The following NELL2 variants were observed in gnomAD, a reference collection of about 807,000 sequenced individuals.
NELL2 encodes protein kinase C-binding protein NELL2.
NELL2 carries 41 observed loss-of-function variants against 109.6 expected under a neutral mutation model. The observed-to-expected ratio is 0.37, with a 90% CI of 0.29 to 0.49. The LOEUF is 0.49. Among genes scored for constraint, NELL2 ranks in the 20% least tolerant of loss-of-function variants. The pLI is 0.98. For synonymous variants in NELL2, 355 were observed against 344.7 expected (o/e 1.03, Z -0.33); for missense variants, 900 against 1,008.3 (o/e 0.89, Z 1.45).
intron 12 of NELL2, among the ~76,000 whole-genome samples, chr12:44,690,535 G>T (rs1948865813): frequency 6.6e-6 from 1 of 150,972 alleles, no homozygotes; most frequent in Non-Finnish European, 1.5e-5. Context: ...CAAACACTGA[G>T]GTCTTGAAAA....
intron 15 of NELL2, among the ~76,000 whole-genome samples, chr12:44,559,110 T>C (rs1018755523): frequency 2.0e-5 from 3 of 152,060 alleles, no homozygotes; most frequent in African/African-American, 7.2e-5. Flanking sequence ...ATAAAATCCT[T>C]TACAGACAAG....
intron 12 of NELL2, among the ~76,000 whole-genome samples, chr12:44,666,914 A>G (rs1947943430): frequency 6.6e-6 from 1 of 152,008 alleles, no homozygotes; most frequent in African/African-American, 2.4e-5. Flanking sequence ...CTTTATACAT[A>G]CTGTTCTCTC....
At position 44,864,313 on chromosome 12, in the gene NELL2, T is replaced by C. The variant is rs187028376; in HGVS notation, c.184+10912A>G. On this transcript the variant is annotated intron_variant, in intron 2 of 19. Coordinates refer to ENST00000429094, the MANE Select transcript of NELL2 (RefSeq NM_001145108.2). The stretch of plus-strand genomic sequence containing the variant: ...AAATAAAAAGCAAGACCCAGATACA[T>C]GCCACCTATAAGAGACTCACTTCAC... Among the ~76,000 whole-genome samples, 3 of 152,112 alleles carry C rather than the reference T, an allele frequency of 2.0e-5. No homozygotes were observed. In the East Asian group the frequency reaches 5.8e-4, roughly 29 times the overall value.
chr12:44,852,779 C>A (rs548348120), intron 2 of NELL2, among the ~76,000 whole-genome samples: 1 of 152,090 alleles, frequency 6.6e-6, no homozygotes, highest in African/African-American at 2.4e-5. Flanking sequence ...GTCTTTGAAA[C>A]GTGTTCTAAT....
chr12:44,839,778 C>T (rs1566507739), intron 2 of NELL2, among the ~76,000 whole-genome samples: 1 of 151,210 alleles, frequency 6.6e-6, no homozygotes, highest in African/African-American at 2.4e-5. Context: ...TGCTGTTCTT[C>T]ACACCCATGA....
intron 1 of NELL2, among the ~76,000 whole-genome samples, chr12:44,921,240 G>C (rs979477620): frequency 6.6e-6 from 1 of 152,146 alleles, no homozygotes; most frequent in Non-Finnish European, 1.5e-5. Context: ...ACACTAGATA[G>C]ACTTGTGCAA....
At chr12:44,884,983 A>T (rs768230491) in intron 1 of NELL2, among the ~76,000 whole-genome samples, 32 of 152,068 alleles carry the variant, frequency 2.1e-4, no homozygotes, top group Non-Finnish European at 2.5e-4. Flanking sequence ...TGAGGCAATA[A>T]AAAGAAGTAA....
chr12:44,532,806 T>C lies in NELL2; in HGVS notation c.1664-85A>G, dbSNP rs1191825898. On this transcript the variant is annotated intron_variant, in intron 15 of 19. Transcript: ENST00000429094. ...TTCTGCTACAAGGCTACTAAAATTT[T>C]TAATGCCAGCAAATCCTTGAAACTG... The C allele has an allele frequency of 3.1e-6, 4 of 1,280,032 alleles. No homozygotes were observed. The South Asian group carries it at 4.6e-5, about 15-fold the overall frequency. The allele number at this position is 1,280,032 out of a possible 1,614,324, so 79.3% of individuals were successfully genotyped here.
intron 2 of NELL2, among the ~76,000 whole-genome samples, chr12:44,871,394 G>C (rs1945155761): frequency 6.6e-6 from 1 of 152,196 alleles, no homozygotes; most frequent in South Asian, 2.1e-4. Context: ...ACACCTAGCA[G>C]TATGCTAGTT....
chr12:44,514,227 A>G (rs761237028), intron 19 of NELL2, among the ~76,000 whole-genome samples: 24 of 151,930 alleles, frequency 1.6e-4, no homozygotes, highest in Non-Finnish European at 2.7e-4. Flanking sequence ...AGTTGAAAGA[A>G]CTTGTTACTA....
At chr12:44,564,519 A>T (rs1943583285) in intron 15 of NELL2, among the ~76,000 whole-genome samples, 1 of 152,224 alleles carries the variant, frequency 6.6e-6, no homozygotes, top group Non-Finnish European at 1.5e-5. Flanking sequence ...TATTTGCAGC[A>T]TGCTAGGCAC....
At position 44,674,712 on chromosome 12, in the gene NELL2, T is replaced by C. The variant is rs75308022; in HGVS notation, c.1319-9103A>G. Among the ~76,000 whole-genome samples, 757 of 151,890 alleles carry C rather than the reference T, an allele frequency of 5.0e-3. 4 individuals carry two copies. Among genetic ancestry groups the C allele is most frequent in the Admixed American group, 8.6e-3 (131 of 15,230 alleles). On this transcript the variant is annotated intron_variant, in intron 12 of 19. Transcript: ENST00000429094. ...GAGGTATAGGTATATCTTATGAGAG[T>C]TGGTAAAATGGCATAACTGAGGAAT...
chr12:44,818,726 TTTTTTTTTTTTTA>T (rs1420014616), intron 2 of NELL2, among the ~76,000 whole-genome samples: 13 of 49,638 alleles, frequency 2.6e-4, no homozygotes, highest in East Asian at 5.5e-4. Flanking sequence ...TGTTCACTTA[TTTTTTTTTTTTTA>T]TTTTTTTTTT....
At chr12:44,636,878 G>A (rs1305355232) in intron 13 of NELL2, among the ~76,000 whole-genome samples, 1 of 152,006 alleles carries the variant, frequency 6.6e-6, no homozygotes. Flanking sequence ...ATTCCGTCTG[G>A]TCTGGTGCTT....
In NELL2 at chr12:44,802,428, A is replaced by G. The variant is rs191993790; in HGVS notation, c.335+13558T>C. On this transcript the variant is annotated intron_variant, in intron 3 of 19. Coordinates refer to ENST00000429094, the MANE Select transcript of NELL2 (RefSeq NM_001145108.2). ...GAATGTAAATGCCTTTTAGCAAAAT[A>G]TACCTCTAATATATCATATATATAC... 7.6e-4 allele frequency among the ~76,000 whole-genome samples: 115 copies of G among 152,122 alleles called. 1 individual carries two copies. The highest frequency in any genetic ancestry group is 2.6e-3 in the African/African-American group (107 of 41,462).
At chr12:44,821,939 T>A (rs1943560290) in intron 2 of NELL2, among the ~76,000 whole-genome samples, 2 of 150,426 alleles carry the variant, frequency 1.3e-5, no homozygotes, top group Admixed American at 6.7e-5. Flanking sequence ...ATTTTGGTAT[T>A]TTTTTAGTAG....
In NELL2 at chr12:44,756,019, C is replaced by T. The variant is rs568178878; in HGVS notation, c.994+18728G>A. On this transcript the variant is annotated intron_variant, in intron 9 of 19. Transcript: ENST00000429094. ...TGTTTTCGGTACACTGTTAACTTCA[C>T]CTGTGACTCTGCCTCTTCTCTCCAG... Among the ~76,000 whole-genome samples the T allele has an allele frequency of 3.3e-3, 501 of 152,286 alleles. 1 individual carries two copies. The highest frequency in any genetic ancestry group is 0.01 in the Middle Eastern group (3 of 294).
chr12:44,743,368 C>A (rs918437713), intron 9 of NELL2, among the ~76,000 whole-genome samples: 6 of 152,074 alleles, frequency 3.9e-5, no homozygotes, highest in Admixed American at 1.3e-4. Context: ...TAAAGACCAT[C>A]GAGGCTAGGA....
Position 44,523,296 on chromosome 12 carries a change from A to C in NELL2, c.1993T>G (p.Cys665Gly). Residue 665 changes from cysteine to glycine, a missense_variant, in exon 17 of 20, where the codon TGT becomes GGT. Physicochemically the swap from Cys to Gly is radical, Grantham distance 159. Coordinates refer to ENST00000429094, the MANE Select transcript of NELL2 (RefSeq NM_001145108.2). Reference protein sequence around the residue: ...LENDRCSVCSCQNGFVMCRRM... With the variant: ...LENDRCSVCSGQNGFVMCRRM... ...AGTTTTTCATTTATACCAACCTGAC[A>C]TGAGCACACAGAGCACCTGTCATTT... 1 of 1,614,184 alleles carries C rather than the reference A, an allele frequency of 6.2e-7. No individual in the cohort carries two copies. The highest frequency in any genetic ancestry group is 8.5e-7 in the Non-Finnish European group (1 of 1,179,990).
Sources: allele counts gnomAD v4.1 joint callset (sites outside exome capture counted in the v4.1 genomes callset), GRCh38; gene constraint gnomAD v4.1.1; transcripts MANE v1.5; gene names NCBI Gene and HGNC (gene_info 2026-07-23, HGNC 2026-07-21).